DLGAP2: variants seen among roughly 807,000 people sequenced by gnomAD.
DLGAP2 encodes disks large-associated protein 2.
In DLGAP2, 26 loss-of-function variants were observed where a neutral mutation model predicts 100.3. The ratio of observed to expected loss-of-function variants is 0.26; its 90% CI spans 0.19 to 0.36. The LOEUF (loss-of-function observed/expected upper bound fraction) is 0.36. Among genes scored for constraint, DLGAP2 ranks in the 10% least tolerant of loss-of-function variants. The pLI is 1.00. For missense variants in DLGAP2, 1,858 were observed against 1,453.2 expected, an observed-to-expected ratio of 1.28 and a Z score of -4.53; for synonymous variants, 886 against 630.1, an observed-to-expected ratio of 1.41 and a Z score of -6.08.
intron 2 of DLGAP2, among the ~76,000 whole-genome samples, chr8:1,136,776 C>T (rs140793054): frequency 0.011 from 1,723 of 152,280 alleles, 29 homozygotes; most frequent in African/African-American, 0.039. Flanking sequence ...GCACACGGGG[C>T]GTGTTGGTGG....
In DLGAP2 at chr8:1,612,510, G is replaced by C. The variant is rs950918950; in HGVS notation, c.1443-14230G>C. Among the ~76,000 whole-genome samples the C allele has an allele frequency of 2.9e-4, 42 of 144,644 alleles. No homozygotes were observed. In the Middle Eastern group the frequency reaches 0.021, roughly 71 times the overall value. 94.9% of individuals were successfully genotyped at this position (144,644 alleles called of 152,430 possible). ...GGACTTCATGTCCAGAACACCAAAA[G>C]CAATGGCAACCAAAGCCAAAATTGA... On this transcript the variant is annotated intron_variant, in intron 6 of 14. Transcript: ENST00000637795.
chr8:919,515 C>G (rs934340453), intron 2 of DLGAP2, among the ~76,000 whole-genome samples: 1 of 152,182 alleles, frequency 6.6e-6, no homozygotes, highest in East Asian at 1.9e-4. Flanking sequence ...GGGCAGTGTT[C>G]ATTTGCTGCC....
At chr8:773,890 A>G (rs912630771) in intron 1 of DLGAP2, among the ~76,000 whole-genome samples, 1 of 152,160 alleles carries the variant, frequency 6.6e-6, no homozygotes, top group African/African-American at 2.4e-5. Flanking sequence ...GTCAAATGGT[A>G]TTTCTAGTTC....
chr8:1,475,793 C>G lies in DLGAP2; in HGVS notation c.107-25573C>G, dbSNP rs1015582141. On this transcript the variant is annotated intron_variant, in intron 3 of 14. Transcript: ENST00000637795. ...GTTCACCAACTATTCAATAATGCTT[C>G]TAGTGTGTGATTTATAGGAGATCAT... is the stretch of plus-strand genomic sequence containing the variant. Among the ~76,000 whole-genome samples, 25 of 152,122 alleles carry G rather than the reference C, an allele frequency of 1.6e-4. 1 individual carries two copies. The highest frequency in any genetic ancestry group is 1.5e-3 in the Admixed American group (23 of 15,272).
chr8:1,403,867 TCATCCTCC>T (rs1796535272), intron 3 of DLGAP2, among the ~76,000 whole-genome samples: 1 of 8,926 alleles, frequency 1.1e-4, no homozygotes, highest in African/African-American at 1.0e-3. Flanking sequence ...CGCTCCCTCC[TCATCCTCC>T]TGAGTCGTGT....
intron 8 of DLGAP2, among the ~76,000 whole-genome samples, chr8:1,633,484 C>T (rs186737732): frequency 3.3e-5 from 5 of 152,262 alleles, no homozygotes; most frequent in Admixed American, 2.0e-4. Flanking sequence ...GACTCACCGC[C>T]GCTAAGCAGG....
chr8:1,442,247 G>A (rs1238014153), intron 3 of DLGAP2, among the ~76,000 whole-genome samples: 4 of 100,842 alleles, frequency 4.0e-5, no homozygotes, highest in Admixed American at 9.7e-5. Context: ...GCATAGACCC[G>A]CCAGGCTGCT....
chr8:1,386,972 A>T (rs1213726009), intron 3 of DLGAP2, among the ~76,000 whole-genome samples: 1 of 152,236 alleles, frequency 6.6e-6, no homozygotes, highest in African/African-American at 2.4e-5. Context: ...CATTATGCAG[A>T]TTCACATTGA....
chr8:1,066,579 C>G (rs1012018554), intron 2 of DLGAP2, among the ~76,000 whole-genome samples: 11 of 143,860 alleles, frequency 7.6e-5, no homozygotes, highest in African/African-American at 2.9e-4. Context: ...GTGAGGGCAG[C>G]TCCCCACCAT....
intron 2 of DLGAP2, among the ~76,000 whole-genome samples, chr8:1,226,975 A>C (rs1288658159): frequency 6.6e-6 from 1 of 151,170 alleles, no homozygotes; most frequent in African/African-American, 2.4e-5. Flanking sequence ...GTAAAAATAG[A>C]ATTACCCTAT....
chr8:1,351,611 G>A (rs1205744246), intron 3 of DLGAP2, among the ~76,000 whole-genome samples: 1 of 63,526 alleles, frequency 1.6e-5, no homozygotes, highest in African/African-American at 4.7e-5. Flanking sequence ...TGCGTGTGGC[G>A]TGGAAAGGCC....
intron 6 of DLGAP2, among the ~76,000 whole-genome samples, chr8:1,577,783 A>G (rs1298733887): frequency 2.0e-5 from 3 of 152,168 alleles, no homozygotes; most frequent in South Asian, 2.1e-4. Context: ...GGATTCCCAC[A>G]GGGGCACACA....
intron 13 of DLGAP2, 71 bp downstream of exon 13, chr8:1,691,697 T>A: frequency 2.3e-6 from 3 of 1,306,812 alleles, no homozygotes; most frequent in Non-Finnish European, 3.3e-6. Context: ...AGATTCTCAT[T>A]GTTTTCTTCC....
intron 3 of DLGAP2, among the ~76,000 whole-genome samples, chr8:1,460,128 G>T (rs534072930): frequency 4.6e-5 from 7 of 152,278 alleles, no homozygotes; most frequent in South Asian, 4.2e-4. Context: ...TCGGTTCTGC[G>T]GCCCCGGGCT....
intron 3 of DLGAP2, among the ~76,000 whole-genome samples, chr8:1,437,008 G>C (rs976989151): frequency 1.3e-5 from 2 of 152,260 alleles, no homozygotes; most frequent in African/African-American, 4.8e-5. Context: ...GCGTGTAGGG[G>C]CGACGCCATC....
rs147929257 is a variant in DLGAP2, at chr8:1,616,111, T to C, written c.1443-10629T>C. ...GAACAGAAAACCACAATATCTGAAA[T>C]GAAAAATTTATGGGATGTGTTTAAG... is the stretch of plus-strand genomic sequence containing the variant. On this transcript the variant is annotated intron_variant, in intron 6 of 14. Coordinates refer to ENST00000637795, the MANE Select transcript of DLGAP2 (RefSeq NM_001346810.2). 7.8e-3 allele frequency among the ~76,000 whole-genome samples: 1,185 copies of C among 152,058 alleles called. 14 individuals carry two copies. The highest frequency in any genetic ancestry group is 0.026 in the African/African-American group (1,093 of 41,480).
At chr8:1,186,284 GGGGCAGAT>G (rs1797502337) in intron 2 of DLGAP2, among the ~76,000 whole-genome samples, 1 of 152,224 alleles carries the variant, frequency 6.6e-6, no homozygotes. Flanking sequence ...GCGAACCTTG[GGGGCAGAT>G]CCAGCGTACT....
rs1801988379 is a variant in DLGAP2, at chr8:1,361,819, A to G, written c.106+102936A>G. On this transcript the variant is annotated intron_variant, in intron 3 of 14. Coordinates refer to ENST00000637795, the MANE Select transcript of DLGAP2 (RefSeq NM_001346810.2). Reference sequence around the variant, plus strand: ...CCACCTCCGTGAGTCAAATTCTAAGAGAAACGTGCTCGCGGCGTCTTCTAG... The same window carrying G: ...CCACCTCCGTGAGTCAAATTCTAAGGGAAACGTGCTCGCGGCGTCTTCTAG... Among the ~76,000 whole-genome samples, 4 of 152,214 alleles carry G rather than the reference A, an allele frequency of 2.6e-5. No homozygotes were observed. The South Asian group carries it at 8.3e-4, about 32-fold the overall frequency.
intron 1 of DLGAP2, among the ~76,000 whole-genome samples, chr8:874,883 C>T (rs1238682387): frequency 6.6e-6 from 1 of 152,050 alleles, no homozygotes; most frequent in African/African-American, 2.4e-5. Flanking sequence ...TTTTGGTGCT[C>T]TGTTGTTAAG....
Sources: gnomAD v4.1 joint callset for allele counts (sites outside exome capture counted in the v4.1 genomes callset) on GRCh38, gnomAD v4.1.1 for gene constraint, MANE v1.5 for transcripts, NCBI Gene and HGNC (gene_info 2026-07-23, HGNC 2026-07-21) for gene names.